The following CDK5RAP2 variants were observed in gnomAD, a reference collection of about 807,000 sequenced individuals.
CDK5RAP2 encodes the protein CDK5 regulatory subunit-associated protein 2.
Under a neutral mutation model 232.9 loss-of-function variants are expected in CDK5RAP2, and 147 were observed. That is an observed-to-expected ratio of 0.63 (90% confidence interval 0.55 to 0.72). The LOEUF is 0.72. Among genes scored for constraint, CDK5RAP2 ranks in the 30% least tolerant of loss-of-function variants. The pLI is 0.00. For missense variants in CDK5RAP2, 2,195 were observed against 2,231.5 expected, an observed-to-expected ratio of 0.98 and a Z score of 0.33; for synonymous variants, 833 against 833.7, an observed-to-expected ratio of 1.00 and a Z score of 0.01.
intron 15 of CDK5RAP2, among the ~76,000 whole-genome samples, chr9:120,472,881 T>C (rs910934343): frequency 6.6e-6 from 1 of 152,238 alleles, no homozygotes; most frequent in Non-Finnish European, 1.5e-5. Context: ...GCACTTGAAA[T>C]GTAGCTAATG....
chr9:120,420,990 C>T (rs1037449051), intron 26 of CDK5RAP2, among the ~76,000 whole-genome samples: 1 of 152,158 alleles, frequency 6.6e-6, no homozygotes, highest in Non-Finnish European at 1.5e-5. Context: ...AGGTTCCATC[C>T]CTCACTCCAA....
intron 7 of CDK5RAP2, among the ~76,000 whole-genome samples, chr9:120,534,592 T>C (rs1191691744): frequency 2.0e-5 from 3 of 152,214 alleles, no homozygotes; most frequent in Non-Finnish European, 4.4e-5. Flanking sequence ...GTGATATTTT[T>C]TGAATAAAAG....
intron 27 of CDK5RAP2, among the ~76,000 whole-genome samples, chr9:120,418,850 T>G (rs764981406): frequency 7.9e-5 from 12 of 152,166 alleles, no homozygotes; most frequent in Non-Finnish European, 1.6e-4. Flanking sequence ...GAGGCCACCA[T>G]GGGACAAAGG....
In CDK5RAP2 at chr9:120,572,703, G is replaced by A. The variant is rs111524139; in HGVS notation, c.60-662C>T. On this transcript the variant is annotated intron_variant, in intron 1 of 37. Transcript: ENST00000349780. Reference sequence around the variant, plus strand: ...ACTACCCTGATCTATTCTAAGCTCTGCCATGTATCTCTCTGAGCCTCACTT... The same window carrying A: ...ACTACCCTGATCTATTCTAAGCTCTACCATGTATCTCTCTGAGCCTCACTT... 1.0e-3 allele frequency among the ~76,000 whole-genome samples: 157 copies of A among 152,268 alleles called. 1 individual carries two copies. Among genetic ancestry groups the A allele is most frequent in the African/African-American group, 3.4e-3 (143 of 41,546 alleles).
intron 28 of CDK5RAP2, 22 bp from the exon 29 acceptor site, chr9:120,411,496 C>T: frequency 1.5e-6 from 2 of 1,326,160 alleles, no homozygotes; most frequent in Non-Finnish European, 2.2e-6. Context: ...CACATAAAAA[C>T]TGATTTATAA....
chr9:120,452,046 C>T (rs2036507014), intron 21 of CDK5RAP2, among the ~76,000 whole-genome samples: 1 of 151,790 alleles, frequency 6.6e-6, no homozygotes, highest in African/African-American at 2.4e-5. Context: ...CCATTCAATT[C>T]TCCAGTTTTC....
chr9:120,467,814 T>A (rs760558390), intron 18 of CDK5RAP2, 46 bp downstream of exon 18: 2 of 1,605,910 alleles, frequency 1.2e-6, no homozygotes, highest in Admixed American at 1.7e-5. Flanking sequence ...CCAAGCCGGT[T>A]GTTATATTTT....
At chr9:120,401,569 G>C (rs529597217) in intron 34 of CDK5RAP2, among the ~76,000 whole-genome samples, 14 of 123,482 alleles carry the variant, frequency 1.1e-4, no homozygotes, top group African/African-American at 4.4e-4. Flanking sequence ...CCATAATCAT[G>C]CCATGTACCC....
intron 12 of CDK5RAP2, among the ~76,000 whole-genome samples, chr9:120,497,394 C>A (rs1588489668): frequency 3.7e-5 from 1 of 26,696 alleles, no homozygotes; most frequent in Non-Finnish European, 5.2e-5. Flanking sequence ...GAGAAACACC[C>A]AAGAATTATC....
intron 10 of CDK5RAP2, among the ~76,000 whole-genome samples, chr9:120,526,226 C>T (rs149748012): frequency 1.3e-5 from 2 of 152,202 alleles, no homozygotes; most frequent in African/African-American, 4.8e-5. Flanking sequence ...AAACTTTAGG[C>T]ATGCATGTCA....
intron 20 of CDK5RAP2, 76 bp from the exon 21 acceptor site, chr9:120,453,949 T>A: frequency 6.9e-7 from 1 of 1,443,058 alleles, no homozygotes; most frequent in Non-Finnish European, 9.7e-7. Flanking sequence ...GTATCCCAAG[T>A]TATCCCCACC....
chr9:120,394,778 G>C, intron 35 of CDK5RAP2, 140 bp from the exon 36 acceptor site: 1 of 795,156 alleles, frequency 1.3e-6, no homozygotes, highest in Non-Finnish European at 2.0e-6. Flanking sequence ...GCCTTTTCCT[G>C]ACAACCAGGA....
At chr9:120,472,138 A>G (rs190905687) in intron 15 of CDK5RAP2, among the ~76,000 whole-genome samples, 27 of 152,364 alleles carry the variant, frequency 1.8e-4, no homozygotes, top group African/African-American at 6.5e-4. Context: ...CATGGCTGAA[A>G]TAATACTAGA....
At chr9:120,563,453 G>A (rs1564382298) in intron 3 of CDK5RAP2, among the ~76,000 whole-genome samples, 1 of 152,230 alleles carries the variant, frequency 6.6e-6, no homozygotes, top group African/African-American at 2.4e-5. Context: ...GCAGAACCCA[G>A]GGCAGTGGTT....
chr9:120,475,489 T>A (rs145073375), intron 15 of CDK5RAP2, among the ~76,000 whole-genome samples: 183 of 152,192 alleles, frequency 1.2e-3, no homozygotes, highest in Non-Finnish European at 9.7e-4. Context: ...AGAATCAACC[T>A]GGCTCCTACC....
intron 23 of CDK5RAP2, 89 bp downstream of exon 23, chr9:120,443,531 A>T: frequency 1.4e-6 from 2 of 1,409,454 alleles, no homozygotes; most frequent in Non-Finnish European, 2.0e-6. Context: ...GAGGGCTGCT[A>T]TGGGCTTAGT....
intron 21 of CDK5RAP2, among the ~76,000 whole-genome samples, chr9:120,448,989 C>G (rs138538118): frequency 4.4e-3 from 671 of 152,254 alleles, no homozygotes; most frequent in South Asian, 7.5e-3. Context: ...AGCAAAAAGA[C>G]AAACCTACTA....
At chr9:120,393,682 G>A (rs1337151950) in intron 36 of CDK5RAP2, among the ~76,000 whole-genome samples, 1 of 152,212 alleles carries the variant, frequency 6.6e-6, no homozygotes. Context: ...GAGTGCTGAG[G>A]GTTTAAACCA....
chr9:120,494,496 C>T (rs1811848513), intron 12 of CDK5RAP2, among the ~76,000 whole-genome samples: 1 of 152,148 alleles, frequency 6.6e-6, no homozygotes, highest in South Asian at 2.1e-4. Context: ...TTTGAAGGAG[C>T]TCCCAATGGC....
Sources: allele counts gnomAD v4.1 joint callset (sites outside exome capture counted in the v4.1 genomes callset), GRCh38; gene constraint gnomAD v4.1.1; transcripts MANE v1.5; gene names NCBI Gene and HGNC (gene_info 2026-07-23, HGNC 2026-07-21).